Variants in OR7A10 observed in about 807,000 individuals in gnomAD.
The protein encoded by OR7A10 is olfactory receptor 7A10.
For missense variants in OR7A10, 358 were observed against 370.1 expected (o/e 0.97, Z 0.27); for synonymous variants, 144 against 144.5 (o/e 1.00, Z 0.02).
chr19:14,840,728 G>A lies in OR7A10; in HGVS notation c.*220C>T. 2.3e-6 allele frequency: 1 copy of A among 432,428 alleles called. No individual in the cohort carries two copies. Among genetic ancestry groups the A allele is most frequent in the East Asian group, 3.7e-5 (1 of 26,680 alleles). The allele number at this position is 432,428 out of a possible 1,614,324, so 26.8% of individuals were successfully genotyped here. On this transcript the variant is annotated 3_prime_UTR_variant, in exon 2 of 2. Transcript: ENST00000641129. ...AACAAATATTCCATAGTTATTTCAT[G>A]TATGATTGAAAATTATATTCCGTCA...
chr19:14,841,895 A>AGAGAG lies in OR7A10; in HGVS notation c.-12-11_-12-7dup, dbSNP rs1491206850. 5.5e-6 allele frequency: 2 copies of AGAGAG among 360,590 alleles called. No homozygotes were observed. The highest frequency in any genetic ancestry group is 7.3e-5 in the African/African-American group (2 of 27,540). The allele number at this position is 360,590 out of a possible 1,614,324, so 22.3% of individuals were successfully genotyped here. A position where few individuals can be genotyped will look rare whatever the true frequency, so the allele number is the denominator to read the frequency against. On this transcript the variant is annotated splice_polypyrimidine_tract_variant and splice_region_variant and intron_variant, in intron 1 of 1. Transcript: ENST00000641129. ...GATTTCATCTTGTGATGTGACTACC[A>AGAGAG]GAGAGAGAGAGAGAGAGAGAGAGAG...
chr19:14,840,919 T>A lies in OR7A10; in HGVS notation c.*29A>T. The A allele has an allele frequency of 6.6e-7, 1 of 1,515,262 alleles. No individual in the cohort carries two copies. The highest frequency in any genetic ancestry group is 9.0e-7 in the Non-Finnish European group (1 of 1,109,752). 93.9% of individuals were successfully genotyped at this position (1,515,262 alleles called of 1,614,324 possible). A position where few individuals can be genotyped will look rare whatever the true frequency, so the allele number is the denominator to read the frequency against. ...GGCTCTGGGGCTTAGAGCTCTGAAG[T>A]CACAGGCCTTTCTTGAAAAATAGCC... On this transcript the variant is annotated 3_prime_UTR_variant, in exon 2 of 2. Coordinates refer to ENST00000641129, the MANE Select transcript of OR7A10 (RefSeq NM_001005190.2).
At chr19:14,844,223 C>T (rs1321860437) in intron 1 of OR7A10, among the ~76,000 whole-genome samples, 1 of 152,168 alleles carries the variant, frequency 6.6e-6, no homozygotes, top group African/African-American at 2.4e-5. Flanking sequence ...CAGGGCGTGA[C>T]AGCTCCTACA....
rs1214653269 is a variant in OR7A10 at position 14,848,624 on chromosome 19, C to A, written c.-137G>T. 6.6e-6 allele frequency: 1 copy of A among 152,210 alleles called. No homozygotes were observed. Among genetic ancestry groups the A allele is most frequent in the Non-Finnish European group, 1.5e-5 (1 of 68,072 alleles). 9.4% of individuals were successfully genotyped at this position (152,210 alleles called of 1,614,324 possible). A position where few individuals can be genotyped will look rare whatever the true frequency, so the allele number is the denominator to read the frequency against. On this transcript the variant is annotated 5_prime_UTR_variant, in exon 1 of 2. Transcript: ENST00000641129. ...GTAGGAGAAAGGAAAGAATCAGTAC[C>A]CCTGAGCCAGCAGATATAGACTCCG...
chr19:14,843,172 C>CA (rs890451036), intron 1 of OR7A10, among the ~76,000 whole-genome samples: 1 of 152,076 alleles, frequency 6.6e-6, no homozygotes, highest in Admixed American at 6.6e-5. Flanking sequence ...ATTGAAAAGT[C>CA]AAAAAATAGC....
Position 14,840,942 on chromosome 19 carries a change from G to T in OR7A10, c.*6C>A. 6.3e-7 allele frequency: 1 copy of T among 1,588,184 alleles called. No individual in the cohort carries two copies. The highest frequency in any genetic ancestry group is 8.6e-7 in the Non-Finnish European group (1 of 1,168,166). The stretch of plus-strand genomic sequence containing the variant: ...AGTCACAGGCCTTTCTTGAAAAATA[G>T]CCTTTCTATTGCTTTCCTCTGAAGA... On this transcript the variant is annotated 3_prime_UTR_variant, in exon 2 of 2. Transcript: ENST00000641129.
At chr19:14,844,108 T>G (rs1323493459) in intron 1 of OR7A10, among the ~76,000 whole-genome samples, 1 of 152,136 alleles carries the variant, frequency 6.6e-6, no homozygotes, top group African/African-American at 2.4e-5. Flanking sequence ...GTCCCTATGC[T>G]CTAAACACAG....
intron 1 of OR7A10, among the ~76,000 whole-genome samples, chr19:14,846,702 T>A (rs1440348061): frequency 8.1e-5 from 1 of 12,318 alleles, no homozygotes; most frequent in Non-Finnish European, 1.7e-4. Context: ...AGAGCGAGAC[T>A]CCATCTCAAA....
chr19:14,841,262 G>A lies in OR7A10; in HGVS notation c.616C>T (p.Leu206=), dbSNP rs2044910319. 1 of 1,614,186 alleles carries A rather than the reference G, an allele frequency of 6.2e-7. No individual in the cohort carries two copies. The highest frequency in any genetic ancestry group is 8.5e-7 in the Non-Finnish European group (1 of 1,180,032). Residue 206 remains leucine, a synonymous_variant, in exon 2 of 2, where the codon CTG becomes TTG. Transcript: ENST00000641129. ...DIVMYFAVAL[L]GGGPLTGILY... is the part of the protein sequence containing the mutation. ...ATCCCAGTGAGGGGACCACCGCCCA[G>A]CAGCGCTACTGCAAAATACATCACT...
At chr19:14,842,865 T>A (rs2044922563) in intron 1 of OR7A10, among the ~76,000 whole-genome samples, 1 of 152,220 alleles carries the variant, frequency 6.6e-6, no homozygotes, top group Non-Finnish European at 1.5e-5. Context: ...AATTTATATT[T>A]CTTTGGGTAT....
intron 1 of OR7A10, among the ~76,000 whole-genome samples, chr19:14,843,670 C>T (rs2044926289): frequency 6.6e-6 from 1 of 152,230 alleles, no homozygotes; most frequent in African/African-American, 2.4e-5. Flanking sequence ...CTGAGGGCAT[C>T]TACTCTACAA....
At chr19:14,844,665 T>TC (rs2044932108) in intron 1 of OR7A10, among the ~76,000 whole-genome samples, 1 of 28,542 alleles carries the variant, frequency 3.5e-5, no homozygotes, top group South Asian at 1.3e-3. Flanking sequence ...GAGTTCTGTG[T>TC]TTTTTTTTTT....
intron 1 of OR7A10, among the ~76,000 whole-genome samples, chr19:14,844,605 G>A (rs1006430230): frequency 6.6e-6 from 1 of 151,172 alleles, no homozygotes; most frequent in Non-Finnish European, 1.5e-5. Flanking sequence ...GGTTGCAAAG[G>A]TGTCCCATTA....
Position 14,841,176 on chromosome 19 carries a change from C to G in OR7A10, c.702G>C (p.Lys234Asn). The G allele has an allele frequency of 1.9e-6, 3 of 1,614,168 alleles. No homozygotes were observed. Among genetic ancestry groups the G allele is most frequent in the Non-Finnish European group, 1.7e-6 (2 of 1,180,024 alleles). Residue 234 changes from lysine to asparagine, a missense_variant, in exon 2 of 2, where the codon AAG (lysine) becomes AAC (asparagine). By Grantham distance (94) the Lys-to-Asn change is moderately conservative (BLOSUM62 0). Coordinates refer to ENST00000641129, the MANE Select transcript of OR7A10 (RefSeq NM_001005190.2). ...ATGCACAGGTGGAAAATGCCTTATACTTCCCCTGAGCTGATGAGATTGCAC... is the reference window on the plus strand; with the variant it reads ...ATGCACAGGTGGAAAATGCCTTATAGTTCCCCTGAGCTGATGAGATTGCAC... The part of the protein sequence containing the change: ...SIRAISSAQG[K>N]YKAFSTCASH...
chr19:14,840,532 T>C lies in OR7A10; in HGVS notation c.*416A>G, dbSNP rs1373470395. On this transcript the variant is annotated 3_prime_UTR_variant, in exon 2 of 2. Coordinates refer to ENST00000641129, the MANE Select transcript of OR7A10 (RefSeq NM_001005190.2). ...TTTTAAGGAAGAGATGTTAGGACAA[T>C]GGAAGGAGTCATATTTGTAGGCAGC... The C allele has an allele frequency of 6.3e-6, 1 of 158,892 alleles. No individual in the cohort carries two copies. The highest frequency in any genetic ancestry group is 1.4e-5 in the Non-Finnish European group (1 of 72,196). 9.8% of individuals were successfully genotyped at this position (158,892 alleles called of 1,614,324 possible). A position where few individuals can be genotyped will look rare whatever the true frequency, so the allele number is the denominator to read the frequency against.
intron 1 of OR7A10, among the ~76,000 whole-genome samples, chr19:14,845,423 T>C (rs188701882): frequency 4.0e-4 from 60 of 151,672 alleles, no homozygotes; most frequent in African/African-American, 1.4e-3. Flanking sequence ...TGTGGTGAGT[T>C]GAGATTGCGC....
intron 1 of OR7A10, among the ~76,000 whole-genome samples, chr19:14,845,486 A>G (rs1172442921): frequency 6.6e-6 from 1 of 151,680 alleles, no homozygotes; most frequent in African/African-American, 2.4e-5. Flanking sequence ...AAAAAAAAAG[A>G]CAAGTGAAAA....
At position 14,842,057 on chromosome 19, in the gene OR7A10, A is replaced by G. The variant is rs371480238; in HGVS notation, c.-12-168T>C. ...ACAGATAAAATTATATGTATTTATCACATATAACATGATGTGTTTTTAAAA... is the reference window on the plus strand; with the variant it reads ...ACAGATAAAATTATATGTATTTATCGCATATAACATGATGTGTTTTTAAAA... On this transcript the variant is annotated intron_variant, in intron 1 of 1. Coordinates refer to ENST00000641129, the MANE Select transcript of OR7A10 (RefSeq NM_001005190.2). Among the ~76,000 whole-genome samples, 43 of 152,390 alleles carry G rather than the reference A, an allele frequency of 2.8e-4. No individual in the cohort carries two copies. In the East Asian group the frequency reaches 4.8e-3, roughly 17 times the overall value.
Position 14,840,969 on chromosome 19 carries a change from T to C in OR7A10, c.909A>G (p.Thr303=). The C allele has an allele frequency of 1.2e-6, 2 of 1,610,396 alleles. No homozygotes were observed. The highest frequency in any genetic ancestry group is 1.1e-5 in the South Asian group (1 of 90,384). The change falls in exon 2 of 2, where the codon ACA becomes ACG. Residue 303 remains threonine (T), a synonymous_variant. Coordinates refer to ENST00000641129, the MANE Select transcript of OR7A10 (RefSeq NM_001005190.2). ...RNKHIKGAMK[T]FFRGKQ is the part of the protein sequence containing the mutation. Reference sequence around the variant, plus strand: ...CTTTCTATTGCTTTCCTCTGAAGAATGTTTTCATAGCACCCTTTATGTGTT... The same window carrying C: ...CTTTCTATTGCTTTCCTCTGAAGAACGTTTTCATAGCACCCTTTATGTGTT...
Sources: allele counts gnomAD v4.1 joint callset (sites outside exome capture counted in the v4.1 genomes callset), GRCh38; gene constraint gnomAD v4.1.1; transcripts MANE v1.5; gene names NCBI Gene and HGNC (gene_info 2026-07-23, HGNC 2026-07-21).